Variants in URB1 observed in about 807,000 individuals in gnomAD.
URB1 encodes the protein nucleolar pre-ribosomal-associated protein 1.
URB1 carries 197 observed loss-of-function variants against 242.3 expected under a neutral mutation model. The observed-to-expected ratio is 0.81, with a 90% CI of 0.72 to 0.91. The LOEUF (loss-of-function observed/expected upper bound fraction) is 0.91, where lower values mean the gene tolerates loss of function less well. URB1 is among the 40% of genes least tolerant of loss of function. The pLI, the probability that URB1 is intolerant of heterozygous loss-of-function variation, is 0.00. For missense variants in URB1, 2,721 were observed against 2,860.5 expected (o/e 0.95, Z 1.11); for synonymous variants, 1,153 against 1,201.8 (o/e 0.96, Z 0.84).
At chr21:32,367,525 C>G (rs1350359692) in intron 9 of URB1, among the ~76,000 whole-genome samples, 1 of 152,216 alleles carries the variant, frequency 6.6e-6, no homozygotes, top group African/African-American at 2.4e-5. Context: ...AGGTATTTTA[C>G]CACTAGGCAA....
intron 5 of URB1, 92 bp from the exon 6 acceptor site, chr21:32,375,575 C>A: frequency 1.6e-5 from 11 of 666,920 alleles, no homozygotes; most frequent in Middle Eastern, 3.0e-4. Flanking sequence ...GTACAGCAAA[C>A]AATGCCATTT....
chr21:32,392,899 G>T lies in URB1; in HGVS notation c.12C>A (p.Pro4=). 1 of 1,523,500 alleles carries T rather than the reference G, an allele frequency of 6.6e-7. No individual in the cohort carries two copies. The highest frequency in any genetic ancestry group is 8.8e-7 in the Non-Finnish European group (1 of 1,140,334). The allele number at this position is 1,523,500 out of a possible 1,614,324, so 94.4% of individuals were successfully genotyped here. The stretch of plus-strand genomic sequence containing the variant: ...CCTGGCCGCCCGAGGCCTTCCTCTT[G>T]GGGACCCCCATGGCCGAGAGGGCGG... MGV[P]KRKASGGQDG... The change falls in exon 1 of 39, where the codon CCC becomes CCA. Residue 4 remains proline (P), a synonymous_variant. Transcript: ENST00000382751.
At position 32,376,041 on chromosome 21, in the gene URB1, T is replaced by C. The variant is rs542463399; in HGVS notation, c.665-558A>G. Among the ~76,000 whole-genome samples the C allele has an allele frequency of 2.0e-5, 3 of 152,336 alleles. No individual in the cohort carries two copies. In the East Asian group the frequency reaches 5.8e-4, roughly 29 times the overall value. ...CAAGCGAACCAATGACAGAACTTTT[T>C]AAGAAGTTCAGTAGGTCTTTAGTTC... On this transcript the variant is annotated intron_variant, in intron 5 of 38. Transcript: ENST00000382751.
chr21:32,347,807 A>G lies in URB1; in HGVS notation c.3017T>C (p.Leu1006Pro). ...ASLELANDQT[L>P]EEVLVAILRH... ...GAGGATGGCCACAAGCACCTCCTCC[A>G]GCGTCTGAAAGGCAGTGACGAGGCA... is the stretch of plus-strand genomic sequence containing the variant. The change falls in exon 22 of 39, where the codon CTG becomes CCG. Residue 1006 changes from leucine (L) to proline (P), a missense_variant. By Grantham distance (98) the Leu-to-Pro change is moderately conservative. Transcript: ENST00000382751. 1.3e-6 allele frequency: 2 copies of G among 1,541,700 alleles called. No homozygotes were observed. Among genetic ancestry groups the G allele is most frequent in the South Asian group, 1.2e-5 (1 of 83,734 alleles).
At chr21:32,317,453 G>T (rs189593968) in intron 37 of URB1, among the ~76,000 whole-genome samples, 2 of 152,160 alleles carry the variant, frequency 1.3e-5, no homozygotes, top group African/African-American at 4.8e-5. Context: ...ATGATACTAA[G>T]GTAGGTGAAG....
At chr21:32,349,168 T>G in intron 21 of URB1, 136 bp downstream of exon 21, 1 of 1,241,730 alleles carries the variant, frequency 8.1e-7, no homozygotes, top group Non-Finnish European at 1.1e-6. Context: ...GCCAGGAAGT[T>G]TTTATGATCT....
Position 32,387,433 on chromosome 21 carries a change from C to CA in URB1, c.143-1750dup, listed in dbSNP as rs1007293377. On this transcript the variant is annotated intron_variant, in intron 1 of 38. Coordinates refer to ENST00000382751, the MANE Select transcript of URB1 (RefSeq NM_014825.3). ...ACTCCGTCTCAAAAACAAAACAAAA[C>CA]AAAAAAAACCCTGCCTCTCTCTGGT... 3.0e-4 allele frequency among the ~76,000 whole-genome samples: 45 copies of CA among 151,600 alleles called. 1 individual carries two copies. Among genetic ancestry groups the CA allele is most frequent in the African/African-American group, 9.4e-4 (39 of 41,348 alleles).
At chr21:32,389,989 C>T (rs1363918121) in intron 1 of URB1, among the ~76,000 whole-genome samples, 1 of 152,230 alleles carries the variant, frequency 6.6e-6, no homozygotes, top group Admixed American at 6.5e-5. Context: ...CCATCAACTT[C>T]ACTTCCCTGA....
intron 30 of URB1, among the ~76,000 whole-genome samples, chr21:32,330,197 GTTTTTTTTT>G (rs34078592): frequency 3.5e-5 from 3 of 84,700 alleles, no homozygotes; most frequent in Admixed American, 1.4e-4. Context: ...TTTGGGGAGT[GTTTTTTTTT>G]TTTTTTTTTT....
At chr21:32,379,523 G>A (rs1281236702) in intron 4 of URB1, among the ~76,000 whole-genome samples, 1 of 152,214 alleles carries the variant, frequency 6.6e-6, no homozygotes, top group Non-Finnish European at 1.5e-5. Flanking sequence ...GAGAGGTGGT[G>A]GCAGTAGTAG....
rs2032700424 is a variant in URB1, at chr21:32,317,060, G to A, written c.6040C>T (p.Leu2014Phe). 2.6e-6 allele frequency: 4 copies of A among 1,531,682 alleles called. No homozygotes were observed. Among genetic ancestry groups the A allele is most frequent in the Non-Finnish European group, 2.6e-6 (3 of 1,139,240 alleles). The allele number at this position is 1,531,682 out of a possible 1,614,324, so 94.9% of individuals were successfully genotyped here. A position where few individuals can be genotyped will look rare whatever the true frequency, so the allele number is the denominator to read the frequency against. The change falls in exon 38 of 39, where the codon CTC (leucine) becomes TTC (phenylalanine). Residue 2014 changes from leucine (L) to phenylalanine (F), a missense_variant. Transcript: ENST00000382751. Reference sequence around the variant, plus strand: ...ATGACAGGCTTGTTCTTATCCTTGAGCATTTCTGTTAAATGCACAAAGAGA... The same window carrying A: ...ATGACAGGCTTGTTCTTATCCTTGAACATTTCTGTTAAATGCACAAAGAGA... The part of the protein sequence containing the change: ...KAQARELMKM[L>F]KDKNKPVMPA...
intron 4 of URB1, among the ~76,000 whole-genome samples, chr21:32,380,490 T>C (rs924792343): frequency 1.2e-4 from 18 of 152,222 alleles, no homozygotes; most frequent in Non-Finnish European, 2.4e-4. Context: ...ACTTCCATAG[T>C]GTCAGCAACA....
In URB1 at chr21:32,344,528, C is replaced by A. The variant is rs73903304; in HGVS notation, c.4257+42G>T. 2.8e-3 allele frequency: 4,382 copies of A among 1,541,146 alleles called. 89 individuals are homozygous for A. The African/African-American group carries it at 0.045, about 16-fold the overall frequency. On this transcript the variant is annotated intron_variant, in intron 24 of 38. Transcript: ENST00000382751. ...GCTTGGTTTGTCTAGCATACTCTTT[C>A]CCACAGAAATTTAATCTGGATCTCT...
intron 9 of URB1, among the ~76,000 whole-genome samples, chr21:32,367,353 G>C (rs1356706258): frequency 6.6e-6 from 1 of 152,144 alleles, no homozygotes; most frequent in Non-Finnish European, 1.5e-5. Context: ...GCTCCTAGTA[G>C]GGGTGCTGGC....
intron 3 of URB1, 38 bp downstream of exon 3, chr21:32,384,275 A>G: frequency 6.5e-7 from 1 of 1,536,654 alleles, no homozygotes; most frequent in Non-Finnish European, 8.8e-7. Context: ...ACCAAACCCA[A>G]AGGCCCATCC....
intron 28 of URB1, among the ~76,000 whole-genome samples, 173 bp from the exon 29 acceptor site, chr21:32,334,507 G>A (rs1239552247): frequency 3.3e-5 from 5 of 152,150 alleles, no homozygotes; most frequent in Admixed American, 2.6e-4. Context: ...AGTGGGTGGT[G>A]GTGATGGTGA....
At position 32,341,453 on chromosome 21, in the gene URB1, A is replaced by G. The variant is rs1360647355; in HGVS notation, c.4316+13T>C. On this transcript the variant is annotated intron_variant, in intron 25 of 38. Coordinates refer to ENST00000382751, the MANE Select transcript of URB1 (RefSeq NM_014825.3). ...CTTTACCGAAGGGCACCAAGAAAAT[A>G]AAATCAACTTACTTGAGTCCCTTCT... 1 of 1,551,326 alleles carries G rather than the reference A, an allele frequency of 6.4e-7. No homozygotes were observed. The highest frequency in any genetic ancestry group is 1.4e-5 in the African/African-American group (1 of 73,178).
Position 32,384,314 on chromosome 21 carries a change from T to C in URB1, c.433A>G (p.Arg145Gly). Residue 145 changes from arginine to glycine, a missense_variant and splice_region_variant, in exon 3 of 39, where the codon AGG (arginine) becomes GGG (glycine). Coordinates refer to ENST00000382751, the MANE Select transcript of URB1 (RefSeq NM_014825.3). ...GTCACACCAAGGCAGACTGCCTACCTGTAACCTGAGGCATACAGGGACTCA... is the reference window on the plus strand; with the variant it reads ...GTCACACCAAGGCAGACTGCCTACCCGTAACCTGAGGCATACAGGGACTCA... ...ICESLYASGYRLARACLSLMT... is the reference protein window; with the variant it reads ...ICESLYASGYGLARACLSLMT... The C allele has an allele frequency of 6.4e-7, 1 of 1,551,038 alleles. No homozygotes were observed. The highest frequency in any genetic ancestry group is 8.7e-7 in the Non-Finnish European group (1 of 1,145,978).
Position 32,315,991 on chromosome 21 carries a change from G to C in URB1, c.6634+475C>G, listed in dbSNP as rs187041423. Among the ~76,000 whole-genome samples the C allele has an allele frequency of 5.4e-3, 817 of 152,350 alleles. 3 individuals carry two copies. The highest frequency in any genetic ancestry group is 6.6e-3 in the Non-Finnish European group (449 of 68,030). On this transcript the variant is annotated intron_variant, in intron 38 of 38. Transcript: ENST00000382751. ...ACTCATTCACACTGCTAGGCTCCTAGTGACTGCCAAGTACATAAACTGTTC... is the reference window on the plus strand; with the variant it reads ...ACTCATTCACACTGCTAGGCTCCTACTGACTGCCAAGTACATAAACTGTTC...
Sources: allele counts gnomAD v4.1 joint callset (sites outside exome capture counted in the v4.1 genomes callset), GRCh38; gene constraint gnomAD v4.1.1; transcripts MANE v1.5; gene names NCBI Gene and HGNC (gene_info 2026-07-23, HGNC 2026-07-21).